The following MKRN2 variants were observed in gnomAD, a reference collection of about 807,000 sequenced individuals.
MKRN2 encodes makorin ring finger protein 2.
MKRN2 carries 32 observed loss-of-function variants against 45.4 expected under a neutral mutation model. The observed-to-expected ratio is 0.70, with a 90% CI of 0.53 to 0.95. MKRN2 has a LOEUF of 0.95. MKRN2 is among the 40% of genes least tolerant of loss of function. MKRN2 has a pLI of 0.00. For missense variants in MKRN2, 526 were observed against 536.7 expected, an observed-to-expected ratio of 0.98 and a Z score of 0.20; for synonymous variants, 206 against 192.4, an observed-to-expected ratio of 1.07 and a Z score of -0.59.
intron 6 of MKRN2, among the ~76,000 whole-genome samples, chr3:12,578,348 T>G (rs1445660809): frequency 7.4e-6 from 1 of 135,034 alleles, no homozygotes; most frequent in Non-Finnish European, 1.5e-5. Context: ...GGAGATGGAG[T>G]CTTGCTTTGT....
chr3:12,562,367 A>G (rs573162922), intron 1 of MKRN2, among the ~76,000 whole-genome samples: 1 of 152,232 alleles, frequency 6.6e-6, no homozygotes, highest in Non-Finnish European at 1.5e-5. Context: ...CCTTGGAAGC[A>G]GACCTTCCTA....
intron 6 of MKRN2, among the ~76,000 whole-genome samples, chr3:12,578,858 A>ATTTTTTTTTTTTTTTTTTT (rs374121518): frequency 3.2e-5 from 4 of 125,230 alleles, no homozygotes; most frequent in Non-Finnish European, 3.3e-5. Flanking sequence ...CTAAAGCTTG[A>ATTTTTTTTTTTTTTTTTTT]TTTTTTTTTT....
intron 3 of MKRN2, among the ~76,000 whole-genome samples, chr3:12,570,785 A>G (rs570796454): frequency 6.7e-6 from 1 of 149,782 alleles, no homozygotes; most frequent in Non-Finnish European, 1.5e-5. Context: ...TGGGAGGCTG[A>G]GGCAGGAGAA....
At chr3:12,576,187 ATATGTGTGTGTGTG>A (rs928215376) in intron 5 of MKRN2, among the ~76,000 whole-genome samples, 3 of 128,748 alleles carry the variant, frequency 2.3e-5, no homozygotes, top group Admixed American at 7.6e-5. Context: ...AGGAAACCAT[ATATGTGTGTGTGTG>A]TGTGTGTGTG....
chr3:12,557,975 T>C (rs1298597529), intron 1 of MKRN2, among the ~76,000 whole-genome samples: 2 of 152,238 alleles, frequency 1.3e-5, no homozygotes, highest in Non-Finnish European at 2.9e-5. Context: ...CATTGCTTGG[T>C]CAGCTTGTGG....
intron 6 of MKRN2, among the ~76,000 whole-genome samples, chr3:12,579,105 T>C (rs2058161843): frequency 6.6e-6 from 1 of 152,174 alleles, no homozygotes; most frequent in Non-Finnish European, 1.5e-5. Flanking sequence ...CACAAACATT[T>C]ACTGAGTACT....
At chr3:12,576,346 C>T (rs1225302356) in intron 5 of MKRN2, among the ~76,000 whole-genome samples, 1 of 152,024 alleles carries the variant, frequency 6.6e-6, no homozygotes, top group African/African-American at 2.4e-5. Context: ...AGGTTTTCAG[C>T]CATGCATGCA....
In MKRN2 at chr3:12,574,792, A is replaced by T. The variant is rs1559390497; in HGVS notation, c.643A>T (p.Ile215Phe). 6.2e-7 allele frequency: 1 copy of T among 1,612,532 alleles called. No homozygotes were observed. Among genetic ancestry groups the T allele is most frequent in the East Asian group, 2.2e-5 (1 of 44,862 alleles). ...GCCTTCCTTCCTGTCTGTGCTTCAG[A>T]TCTGCATGTTGACGTTCGAACACGA... ...DPEQRKAHEKICMLTFEHEME... is the reference protein window; with the variant it reads ...DPEQRKAHEKFCMLTFEHEME... Residue 215 changes from isoleucine (I) to phenylalanine (F), a missense_variant and splice_region_variant, in exon 5 of 8, where the codon ATC becomes TTC. Physicochemically the swap from Ile to Phe is conservative, Grantham distance 21. Coordinates refer to ENST00000170447, the MANE Select transcript of MKRN2 (RefSeq NM_014160.5).
At chr3:12,576,410 C>T (rs537808573) in intron 5 of MKRN2, among the ~76,000 whole-genome samples, 2 of 152,140 alleles carry the variant, frequency 1.3e-5, no homozygotes, top group East Asian at 3.9e-4. Context: ...CGACAGGCCC[C>T]GGTGTGTGAT....
At chr3:12,575,220 T>C (rs372712406) in intron 5 of MKRN2, among the ~76,000 whole-genome samples, 2 of 152,272 alleles carry the variant, frequency 1.3e-5, no homozygotes, top group East Asian at 3.9e-4. Context: ...GCTTTCTGGG[T>C]GTTGGGGAGG....
intron 1 of MKRN2, among the ~76,000 whole-genome samples, chr3:12,564,999 C>T (rs768189862): frequency 1.2e-4 from 18 of 152,150 alleles, no homozygotes; most frequent in Non-Finnish European, 2.5e-4. Context: ...ATGGATAAAT[C>T]ACATTTTCTC....
chr3:12,569,993 G>C, intron 2 of MKRN2, 78 bp from the exon 3 acceptor site: 1 of 1,360,610 alleles, frequency 7.3e-7, no homozygotes, highest in African/African-American at 1.4e-5. Flanking sequence ...GCAGAAGGAG[G>C]GCCATTGGCA....
chr3:12,583,367 ATG>A lies in MKRN2; in HGVS notation c.*1116_*1117del, dbSNP rs1334671070. The A allele has an allele frequency of 1.2e-5, 2 of 167,046 alleles. No individual in the cohort carries two copies. The highest frequency in any genetic ancestry group is 1.3e-4 in the East Asian group (1 of 7,888). 10.3% of individuals were successfully genotyped at this position (167,046 alleles called of 1,614,324 possible). A position where few individuals can be genotyped will look rare whatever the true frequency, so the allele number is the denominator to read the frequency against. The stretch of plus-strand genomic sequence containing the variant: ...ACCAAATAAATAAATAGTTTATAAA[ATG>A]TATTACTTAAGGTATTAGCTGAGTT... On this transcript the variant is annotated 3_prime_UTR_variant, in exon 8 of 8. Coordinates refer to ENST00000170447, the MANE Select transcript of MKRN2 (RefSeq NM_014160.5).
At chr3:12,573,632 G>A (rs1432522160) in intron 4 of MKRN2, among the ~76,000 whole-genome samples, 5 of 151,984 alleles carry the variant, frequency 3.3e-5, no homozygotes, top group Non-Finnish European at 5.9e-5. Context: ...AGTGGCTCAC[G>A]CCTGTAATCC....
In MKRN2 at chr3:12,572,113, A is replaced by G. The variant is rs1404052872; in HGVS notation, c.382A>G (p.Ser128Gly). The change falls in exon 4 of 8, where the codon AGT becomes GGT. Residue 128 changes from serine to glycine, a missense_variant. Ser to Gly is a moderately conservative substitution (Grantham distance 56, BLOSUM62 0). Transcript: ENST00000170447. ...AERKTQPSMV[S>G]NPGSCSDPQP... Reference sequence around the variant, plus strand: ...AAGGAAGACCCAGCCGAGCATGGTGAGTAATCCAGGCAGCTGCAGCGACCC... The same window carrying G: ...AAGGAAGACCCAGCCGAGCATGGTGGGTAATCCAGGCAGCTGCAGCGACCC... The G allele has an allele frequency of 2.5e-6, 4 of 1,613,504 alleles. No individual in the cohort carries two copies. The African/African-American group carries it at 4.0e-5, about 16-fold the overall frequency.
At chr3:12,572,456 C>G in intron 4 of MKRN2, 83 bp downstream of exon 4, 1 of 1,279,226 alleles carries the variant, frequency 7.8e-7, no homozygotes, top group Non-Finnish European at 1.0e-6. Flanking sequence ...TCCATATACA[C>G]TCAAGAAATC....
intron 4 of MKRN2, among the ~76,000 whole-genome samples, chr3:12,573,403 C>G (rs2058111795): frequency 6.7e-6 from 1 of 149,472 alleles, no homozygotes; most frequent in Non-Finnish European, 1.5e-5. Context: ...TGTGGTGGTG[C>G]ACACCTGTAG....
chr3:12,573,798 C>A (rs2125305306), intron 4 of MKRN2, among the ~76,000 whole-genome samples: 1 of 151,486 alleles, frequency 6.6e-6, no homozygotes, highest in African/African-American at 2.4e-5. Context: ...GAGGCTGAGG[C>A]AGGAGAATAG....
Position 12,570,195 on chromosome 3 carries a change from A to G in MKRN2, c.280A>G (p.Thr94Ala). The G allele has an allele frequency of 6.2e-7, 1 of 1,614,110 alleles. No homozygotes were observed. Among genetic ancestry groups the G allele is most frequent in the Non-Finnish European group, 8.5e-7 (1 of 1,180,014 alleles). ...CGAGGTCACTGCATCCATTGTGAAAACTAACTCACATGAACCCGGAAAGCG... is the reference window on the plus strand; with the variant it reads ...CGAGGTCACTGCATCCATTGTGAAAGCTAACTCACATGAACCCGGAAAGCG... ...PSEVTASIVK[T>A]NSHEPGKREK... Residue 94 changes from threonine (T) to alanine (A), a missense_variant, in exon 3 of 8, where the codon ACT becomes GCT. Transcript: ENST00000170447.
Sources: gnomAD v4.1 joint callset for allele counts (sites outside exome capture counted in the v4.1 genomes callset) on GRCh38, gnomAD v4.1.1 for gene constraint, MANE v1.5 for transcripts, NCBI Gene and HGNC (gene_info 2026-07-23, HGNC 2026-07-21) for gene names.